Variants in DAD1 observed in about 807,000 individuals in gnomAD.
DAD1 encodes the protein dolichyl-diphosphooligosaccharide--protein glycosyltransferase subunit DAD1.
DAD1 carries 4 observed loss-of-function variants against 9.0 expected under a neutral mutation model. The observed-to-expected ratio is 0.44, with a 90% CI of 0.22 to 1.01. The LOEUF is 1.01. Ranked by LOEUF, DAD1 falls within the 50% of genes least tolerant of loss-of-function variation. DAD1 has a pLI of 0.24. For synonymous variants in DAD1, 60 were observed against 62.5 expected, an observed-to-expected ratio of 0.96 and a Z score of 0.19; for missense variants, 119 against 137.3, an observed-to-expected ratio of 0.87 and a Z score of 0.67.
At chr14:22,579,639 T>G (rs2037101787) in intron 1 of DAD1, among the ~76,000 whole-genome samples, 1 of 152,144 alleles carries the variant, frequency 6.6e-6, no homozygotes, top group African/African-American at 2.4e-5. Context: ...GACAAAGGAA[T>G]TTATCTTACA....
At chr14:22,587,432 G>A (rs898542164) in intron 1 of DAD1, among the ~76,000 whole-genome samples, 1 of 152,184 alleles carries the variant, frequency 6.6e-6, no homozygotes, top group Non-Finnish European at 1.5e-5. Flanking sequence ...CCGTGGCAGA[G>A]GGCGGTGGGT....
chr14:22,570,560 T>A (rs1023930684), intron 2 of DAD1, among the ~76,000 whole-genome samples: 1 of 152,214 alleles, frequency 6.6e-6, no homozygotes, highest in African/African-American at 2.4e-5. Context: ...AAACATACCA[T>A]CCACTAGGTG....
At chr14:22,581,916 C>G (rs935221364) in intron 1 of DAD1, among the ~76,000 whole-genome samples, 1 of 151,698 alleles carries the variant, frequency 6.6e-6, no homozygotes, top group African/African-American at 2.4e-5. Context: ...TAAAAAGAGG[C>G]AGAAGGCCGG....
At position 22,571,025 on chromosome 14, in the gene DAD1, TAA is replaced by T. The variant is rs34659715; in HGVS notation, c.*44+4032_*44+4033del. 8.2e-4 allele frequency among the ~76,000 whole-genome samples: 123 copies of T among 149,238 alleles called. 1 individual carries two copies. The highest frequency in any genetic ancestry group is 6.9e-3 in the Middle Eastern group (2 of 290). ...GGACTGAGATTTTTTTTTTTTTTTT[TAA>T]AAAAGAGTTTCACAGGCCAGGTGCA... On this transcript the variant is annotated intron_variant, in intron 2 of 2. Coordinates refer to ENST00000250498, the MANE Select transcript of DAD1 (RefSeq NM_001344.4).
intron 2 of DAD1, among the ~76,000 whole-genome samples, chr14:22,572,438 T>G (rs1164707590): frequency 6.6e-6 from 1 of 152,176 alleles, no homozygotes; most frequent in Non-Finnish European, 1.5e-5. Flanking sequence ...AGGATCTCTA[T>G]GAAAAACAAT....
intron 2 of DAD1, among the ~76,000 whole-genome samples, chr14:22,568,199 A>C (rs1463794997): frequency 6.6e-6 from 1 of 152,232 alleles, no homozygotes; most frequent in Non-Finnish European, 1.5e-5. Context: ...TCAAGTGTAA[A>C]ATAGGAATAC....
Position 22,575,123 on chromosome 14 carries a change from C to T in DAD1, c.322G>A (p.Val108Ile). 1 of 1,613,968 alleles carries T rather than the reference C, an allele frequency of 6.2e-7. No homozygotes were observed. Among genetic ancestry groups the T allele is most frequent in the Non-Finnish European group, 8.5e-7 (1 of 1,179,914 alleles). ...ATGATTCAGCCAACAAAGTTCATGA[C>T]AACAAGGTGCAGGATGGTGCTGGCA... ...LFASTILHLV[V>I]MNFVG Residue 108 changes from valine (V) to isoleucine (I), a missense_variant, in exon 2 of 3, where the codon GTC (valine) becomes ATC (isoleucine). Transcript: ENST00000250498.
chr14:22,576,946 G>A (rs552194249), intron 1 of DAD1, among the ~76,000 whole-genome samples: 2 of 152,300 alleles, frequency 1.3e-5, no homozygotes, highest in African/African-American at 4.8e-5. Context: ...CTATTAGGAT[G>A]TCTAGTATCA....
Position 22,565,112 on chromosome 14 carries a change from T to A in DAD1, c.*70A>T. ...CAATAAGCTGCCATCTCCAGAACTCTTATCCAGGAAATTCAAAGAGTGAAC... is the reference window on the plus strand; with the variant it reads ...CAATAAGCTGCCATCTCCAGAACTCATATCCAGGAAATTCAAAGAGTGAAC... On this transcript the variant is annotated 3_prime_UTR_variant, in exon 3 of 3. Coordinates refer to ENST00000250498, the MANE Select transcript of DAD1 (RefSeq NM_001344.4). The A allele has an allele frequency of 1.4e-6, 1 of 702,286 alleles. No homozygotes were observed. Among genetic ancestry groups the A allele is most frequent in the Non-Finnish European group, 2.6e-6 (1 of 384,800 alleles). 43.5% of individuals were successfully genotyped at this position (702,286 alleles called of 1,614,324 possible). A position where few individuals can be genotyped will look rare whatever the true frequency, so the allele number is the denominator to read the frequency against.
At chr14:22,575,307 AC>A (rs2037069061) in intron 1 of DAD1, 74 bp from the exon 2 acceptor site, 1 of 1,507,676 alleles carries the variant, frequency 6.6e-7, no homozygotes, top group Non-Finnish European at 9.0e-7. Flanking sequence ...ACACAGACAT[AC>A]CCGAGGACCC....
chr14:22,573,480 C>T (rs2037055182), intron 2 of DAD1, among the ~76,000 whole-genome samples: 1 of 151,776 alleles, frequency 6.6e-6, no homozygotes, highest in African/African-American at 2.4e-5. Flanking sequence ...GTTGGGAGGC[C>T]AAGGCGGGCG....
chr14:22,580,047 T>C (rs2037105308), intron 1 of DAD1, among the ~76,000 whole-genome samples: 2 of 151,918 alleles, frequency 1.3e-5, no homozygotes, highest in Admixed American at 1.3e-4. Context: ...TCTCCCTATG[T>C]TGCCCAGCAA....
intron 1 of DAD1, among the ~76,000 whole-genome samples, chr14:22,575,597 G>T (rs1449248303): frequency 1.3e-5 from 2 of 152,194 alleles, no homozygotes; most frequent in Non-Finnish European, 1.5e-5. Context: ...ACCCAGGCTG[G>T]AATGCAGTGG....
chr14:22,583,316 G>A (rs1164658161), intron 1 of DAD1, among the ~76,000 whole-genome samples: 4 of 152,116 alleles, frequency 2.6e-5, no homozygotes, highest in Non-Finnish European at 5.9e-5. Context: ...GCACAAAACA[G>A]CAGAAAGGAA....
rs202246203 is a variant in DAD1 at position 22,575,167 on chromosome 14, G to C, written c.278C>G (p.Ala93Gly). The change falls in exon 2 of 3, where the codon GCC becomes GGC. Residue 93 changes from alanine to glycine, a missense_variant. Coordinates refer to ENST00000250498, the MANE Select transcript of DAD1 (RefSeq NM_001344.4). ...ADFQGISPER[A>G]FADFLFASTI... is the part of the protein sequence containing the mutation. ...GCTGGCAAAGAGAAAATCAGCAAAG[G>C]CTCGCTCTGGGGAGATGCCTTGGAA... 1.2e-5 allele frequency: 19 copies of C among 1,614,040 alleles called. No homozygotes were observed. Among genetic ancestry groups the C allele is most frequent in the Admixed American group, 1.0e-4 (6 of 59,998 alleles).
At chr14:22,578,234 CA>C (rs1321074010) in intron 1 of DAD1, among the ~76,000 whole-genome samples, 4 of 140,810 alleles carry the variant, frequency 2.8e-5, no homozygotes, top group Admixed American at 7.3e-5. Flanking sequence ...GCATGGGCAA[CA>C]AGAGCGAAAC....
At chr14:22,566,879 G>A (rs1449037841) in intron 2 of DAD1, among the ~76,000 whole-genome samples, 1 of 152,174 alleles carries the variant, frequency 6.6e-6, no homozygotes, top group African/African-American at 2.4e-5. Flanking sequence ...ACAAAGATCT[G>A]CTTCCCCTCT....
chr14:22,588,673 C>T (rs2037170377), intron 1 of DAD1, among the ~76,000 whole-genome samples: 1 of 152,112 alleles, frequency 6.6e-6, no homozygotes, highest in African/African-American at 2.4e-5. Context: ...ATAGGGTTTT[C>T]CCCGGACCAA....
intron 1 of DAD1, among the ~76,000 whole-genome samples, chr14:22,582,473 G>A (rs372764102): frequency 2.6e-5 from 4 of 151,984 alleles, no homozygotes; most frequent in South Asian, 2.1e-4. Flanking sequence ...GCAGTGAGCC[G>A]AAATCGCGCC....
Sources: gnomAD v4.1 joint callset for allele counts (sites outside exome capture counted in the v4.1 genomes callset) on GRCh38, gnomAD v4.1.1 for gene constraint, MANE v1.5 for transcripts, NCBI Gene and HGNC (gene_info 2026-07-23, HGNC 2026-07-21) for gene names.